The following PLXNA4 variants were observed in gnomAD, a reference collection of about 807,000 sequenced individuals.
PLXNA4 encodes plexin A4, also known as plexin-A4.
In PLXNA4, 44 loss-of-function variants were observed where a neutral mutation model predicts 191.8. That is an observed-to-expected ratio of 0.23 (90% CI 0.18 to 0.29). PLXNA4 has a LOEUF of 0.29. PLXNA4 is among the 10% of genes least tolerant of loss of function. The pLI, the probability that PLXNA4 is intolerant of heterozygous loss-of-function variation, is 1.00. For missense variants in PLXNA4, 1,800 were observed against 2,488.8 expected, an observed-to-expected ratio of 0.72 and a Z score of 5.89; for synonymous variants, 1,082 against 1,009.5, an observed-to-expected ratio of 1.07 and a Z score of -1.36.
chr7:132,262,672 T>C (rs1799691205), intron 4 of PLXNA4, among the ~76,000 whole-genome samples: 1 of 152,164 alleles, frequency 6.6e-6, no homozygotes, highest in Non-Finnish European at 1.5e-5. Context: ...AATATTGTTG[T>C]TAGGCTTATT....
At chr7:132,643,457 C>T (rs1391777309) in intron 2 of PLXNA4, among the ~76,000 whole-genome samples, 2 of 151,842 alleles carry the variant, frequency 1.3e-5, no homozygotes, top group Non-Finnish European at 1.5e-5. Flanking sequence ...GAGTCTGCCC[C>T]AAACCCAAAT....
intron 3 of PLXNA4, among the ~76,000 whole-genome samples, chr7:132,482,260 A>G (rs1391072479): frequency 2.0e-5 from 3 of 152,208 alleles, no homozygotes; most frequent in Admixed American, 2.0e-4. Flanking sequence ...CCAGGTTTCA[A>G]AAAGACAATG....
chr7:132,208,058 C>T lies in PLXNA4; in HGVS notation c.2298+2885G>A, dbSNP rs569615074. Among the ~76,000 whole-genome samples, 6 of 152,276 alleles carry T rather than the reference C, an allele frequency of 3.9e-5. No homozygotes were observed. The East Asian group carries it at 7.7e-4, about 20-fold the overall frequency. On this transcript the variant is annotated intron_variant, in intron 10 of 31. Coordinates refer to ENST00000321063, the MANE Select transcript of PLXNA4 (RefSeq NM_020911.2). ...TCAGGTCTATTCTTGTCTGATGGTACCCTGTTTTCTGTAACTATGGTGGGG... is the reference window on the plus strand; with the variant it reads ...TCAGGTCTATTCTTGTCTGATGGTATCCTGTTTTCTGTAACTATGGTGGGG...
intron 1 of PLXNA4, among the ~76,000 whole-genome samples, chr7:132,512,355 G>A (rs375536887): frequency 6.6e-6 from 1 of 152,118 alleles, no homozygotes; most frequent in East Asian, 1.9e-4. Context: ...CTATAATTAC[G>A]AATTTACTGA....
At chr7:132,595,525 C>T (rs939138744) in intron 2 of PLXNA4, among the ~76,000 whole-genome samples, 5 of 152,144 alleles carry the variant, frequency 3.3e-5, no homozygotes, top group Non-Finnish European at 5.9e-5. Flanking sequence ...AGAGGGAAGA[C>T]CTGAATAATT....
chr7:132,148,661 G>A lies in PLXNA4; in HGVS notation c.4661-15C>T, dbSNP rs374895548. The A allele has an allele frequency of 4.0e-5, 64 of 1,613,972 alleles. No individual in the cohort carries two copies. The highest frequency in any genetic ancestry group is 5.3e-5 in the African/African-American group (4 of 74,904). Reference sequence around the variant, plus strand: ...TTGTCGCCACTCTGCCAAAAGAGCGGTGGCGTTTCAGAGAGGCCCTATGAC... The same window carrying A: ...TTGTCGCCACTCTGCCAAAAGAGCGATGGCGTTTCAGAGAGGCCCTATGAC... On this transcript the variant is annotated splice_polypyrimidine_tract_variant and intron_variant, in intron 25 of 31. Transcript: ENST00000321063.
At position 132,483,748 on chromosome 7, in the gene PLXNA4, C is replaced by T. The variant is rs373227640; in HGVS notation, c.1371+5544G>A. 2.0e-5 allele frequency among the ~76,000 whole-genome samples: 3 copies of T among 152,284 alleles called. No individual in the cohort carries two copies. In the East Asian group the frequency reaches 5.8e-4, roughly 29 times the overall value. ...ATCAATAAATCTTGAATTGGCAAAGCTCATTTAAGACTATCTCTTTAAATC... is the reference window on the plus strand; with the variant it reads ...ATCAATAAATCTTGAATTGGCAAAGTTCATTTAAGACTATCTCTTTAAATC... On this transcript the variant is annotated intron_variant, in intron 3 of 31. Coordinates refer to ENST00000321063, the MANE Select transcript of PLXNA4 (RefSeq NM_020911.2).
At chr7:132,378,843 G>A (rs1025268139) in intron 3 of PLXNA4, among the ~76,000 whole-genome samples, 1 of 146,692 alleles carries the variant, frequency 6.8e-6, no homozygotes, top group South Asian at 2.2e-4. Flanking sequence ...AATGGGCACT[G>A]GATCTTTTTT....
At position 132,211,057 on chromosome 7, in the gene PLXNA4, G is replaced by C; in HGVS notation, c.2184C>G (p.Pro728=). Residue 728 remains proline (P), a synonymous_variant, in exon 10 of 32, where the codon CCC becomes CCG. Coordinates refer to ENST00000321063, the MANE Select transcript of PLXNA4 (RefSeq NM_020911.2). ...KPITLKAKNL[P]QPQSGQRGYE... ...AGCCACGCTGCCCAGACTGGGGCTG[G>C]GGGAGGTTCTTGGCCTTCAGCGTGA... 1 of 1,612,586 alleles carries C rather than the reference G, an allele frequency of 6.2e-7. No homozygotes were observed. The highest frequency in any genetic ancestry group is 8.5e-7 in the Non-Finnish European group (1 of 1,179,396).
intron 3 of PLXNA4, among the ~76,000 whole-genome samples, chr7:132,379,991 CT>C (rs1804822446): frequency 6.6e-6 from 1 of 152,158 alleles, no homozygotes. Context: ...CTCACTGCCC[CT>C]GTACCTCATA....
intron 1 of PLXNA4, among the ~76,000 whole-genome samples, chr7:132,567,235 T>C (rs1801773153): frequency 6.6e-6 from 1 of 152,178 alleles, no homozygotes; most frequent in Non-Finnish European, 1.5e-5. Context: ...GAATGCTCTT[T>C]CCATGGAGGA....
At chr7:132,528,509 G>T (rs1260982254) in intron 1 of PLXNA4, among the ~76,000 whole-genome samples, 3 of 152,166 alleles carry the variant, frequency 2.0e-5, no homozygotes, top group African/African-American at 7.2e-5. Context: ...CAGTCATGCT[G>T]GTCTCCTTCT....
intron 1 of PLXNA4, among the ~76,000 whole-genome samples, chr7:132,528,324 A>C (rs1799490446): frequency 6.6e-6 from 1 of 152,112 alleles, no homozygotes; most frequent in African/African-American, 2.4e-5. Context: ...CCTAGTCCCG[A>C]TCCATGCTCC....
chr7:132,427,479 C>T (rs992924738), intron 3 of PLXNA4, among the ~76,000 whole-genome samples: 3 of 152,162 alleles, frequency 2.0e-5, no homozygotes, highest in Admixed American at 6.5e-5. Flanking sequence ...GGACAGGCCC[C>T]CACCCACCCA....
At chr7:132,259,247 G>A (rs1336853132) in intron 4 of PLXNA4, among the ~76,000 whole-genome samples, 3 of 151,630 alleles carry the variant, frequency 2.0e-5, no homozygotes, top group South Asian at 2.1e-4. Flanking sequence ...GTACAGCTGG[G>A]AATATCACTC....
intron 3 of PLXNA4, among the ~76,000 whole-genome samples, chr7:132,386,150 ATT>A (rs372546956): frequency 5.9e-5 from 9 of 152,194 alleles, no homozygotes; most frequent in African/African-American, 2.2e-4. Flanking sequence ...GCTGCCCAGC[ATT>A]GAAACAAGCA....
chr7:132,465,522 CA>C (rs1448709833), intron 3 of PLXNA4, among the ~76,000 whole-genome samples: 1 of 152,164 alleles, frequency 6.6e-6, no homozygotes, highest in Non-Finnish European at 1.5e-5. Context: ...AGGACCCATC[CA>C]AATAACGACC....
At chr7:132,151,743 G>C (rs1483469994) in intron 25 of PLXNA4, among the ~76,000 whole-genome samples, 1 of 152,098 alleles carries the variant, frequency 6.6e-6, no homozygotes, top group African/African-American at 2.4e-5. Context: ...CAGCTGGTGT[G>C]GGCAGCTCCA....
chr7:132,551,085 T>C (rs558210259), intron 1 of PLXNA4, among the ~76,000 whole-genome samples: 3 of 152,272 alleles, frequency 2.0e-5, no homozygotes, highest in African/African-American at 7.2e-5. Context: ...CCAGTCCTCA[T>C]CATTTCTCCC....
Sources: gnomAD v4.1 joint callset for allele counts (sites outside exome capture counted in the v4.1 genomes callset) on GRCh38, gnomAD v4.1.1 for gene constraint, MANE v1.5 for transcripts, NCBI Gene and HGNC (gene_info 2026-07-23, HGNC 2026-07-21) for gene names.